Variants in AGK observed in about 807,000 individuals in gnomAD.
AGK encodes the protein acylglycerol kinase, mitochondrial.
A neutral mutation model predicts 66.4 loss-of-function variants in AGK; 52 were observed. The observed-to-expected ratio is 0.78, with a 90% CI of 0.63 to 0.99. AGK has a LOEUF of 0.99. AGK is among the 50% of genes least tolerant of loss of function. AGK has a pLI of 0.00. For missense variants in AGK, 451 were observed against 506.6 expected (o/e 0.89, Z 1.05); for synonymous variants, 182 against 181.1 (o/e 1.00, Z -0.04).
chr7:141,611,238 A>G lies in AGK; in HGVS notation c.341A>G (p.Glu114Gly), dbSNP rs999197994. 16 of 1,613,438 alleles carry G rather than the reference A, an allele frequency of 9.9e-6. No individual in the cohort carries two copies. Among genetic ancestry groups the G allele is most frequent in the Non-Finnish European group, 1.4e-5 (16 of 1,179,654 alleles). ...GCCAAGAAACTCCTGGAACTGATGG[A>G]AAACACGGATGTGATCATTGTTGCA... ...GQAKKLLELM[E>G]NTDVIIVAGG... Residue 114 changes from glutamate (E) to glycine (G), a missense_variant, in exon 6 of 16, where the codon GAA becomes GGA. Glu to Gly is a moderately conservative substitution (Grantham distance 98, BLOSUM62 -2). Coordinates refer to ENST00000649286, the MANE Select transcript of AGK (RefSeq NM_018238.4).
intron 9 of AGK, among the ~76,000 whole-genome samples, chr7:141,624,327 TA>T (rs1036722859): frequency 1.3e-5 from 2 of 152,132 alleles, no homozygotes; most frequent in Admixed American, 1.3e-4. Flanking sequence ...AAAAACTTTG[TA>T]AAAAAATTAG....
At chr7:141,560,558 C>T (rs1478437539) in intron 2 of AGK, among the ~76,000 whole-genome samples, 1 of 151,682 alleles carries the variant, frequency 6.6e-6, no homozygotes, top group Non-Finnish European at 1.5e-5. Context: ...ATTGGTGCAC[C>T]CGTTACCCGA....
intron 10 of AGK, among the ~76,000 whole-genome samples, chr7:141,635,012 T>G (rs1368176275): frequency 6.6e-6 from 1 of 152,170 alleles, no homozygotes; most frequent in Non-Finnish European, 1.5e-5. Flanking sequence ...TTCTACAAAT[T>G]ACCTTGTGTT....
chr7:141,564,626 T>G lies in AGK; in HGVS notation c.101+9059T>G, dbSNP rs559638983. On this transcript the variant is annotated intron_variant, in intron 2 of 15. Transcript: ENST00000649286. ...GCCAAACCATATAAACCACTCAGCTTTAGACACAGTTGACTCTCCTCGAAA... is the reference window on the plus strand; with the variant it reads ...GCCAAACCATATAAACCACTCAGCTGTAGACACAGTTGACTCTCCTCGAAA... Among the ~76,000 whole-genome samples, 3 of 152,320 alleles carry G rather than the reference T, an allele frequency of 2.0e-5. No individual in the cohort carries two copies. The East Asian group carries it at 5.8e-4, about 29-fold the overall frequency.
intron 2 of AGK, among the ~76,000 whole-genome samples, chr7:141,571,213 C>A (rs1795599046): frequency 6.6e-6 from 1 of 152,248 alleles, no homozygotes; most frequent in South Asian, 2.1e-4. Context: ...TGCCTCATCA[C>A]TGTGTTCTAG....
intron 15 of AGK, 198 bp from the exon 16 acceptor site, chr7:141,652,589 A>AATT (rs1287471659): frequency 3.7e-5 from 17 of 453,576 alleles, no homozygotes; most frequent in African/African-American, 7.7e-5. Context: ...TGGATGGTAG[A>AATT]ATTAGGATGT....
At chr7:141,574,319 TAC>T (rs752018589) in intron 2 of AGK, among the ~76,000 whole-genome samples, 1 of 152,168 alleles carries the variant, frequency 6.6e-6, no homozygotes, top group Non-Finnish European at 1.5e-5. Flanking sequence ...CTGATGGTGG[TAC>T]AGTCTGGACT....
At chr7:141,651,633 T>C (rs1797561404) in intron 15 of AGK, 24 bp downstream of exon 15, 2 of 1,607,038 alleles carry the variant, frequency 1.2e-6, no homozygotes, top group Non-Finnish European at 1.7e-6. Context: ...GGGTCGGTAG[T>C]CACAGCATTT....
rs541581752 is a variant in AGK at position 141,655,188 on chromosome 7, A to T, written c.*2264A>T. The T allele has an allele frequency of 1.6e-4, 24 of 152,248 alleles. No individual in the cohort carries two copies. The highest frequency in any genetic ancestry group is 2.6e-4 in the Non-Finnish European group (18 of 68,052). The allele number at this position is 152,248 out of a possible 1,614,324, so 9.4% of individuals were successfully genotyped here. A position where few individuals can be genotyped will look rare whatever the true frequency, so the allele number is the denominator to read the frequency against. On this transcript the variant is annotated 3_prime_UTR_variant, in exon 16 of 16. Transcript: ENST00000649286. ...ATGGTACATATAATTAGGGAAGGATATGGAAGCCACTTTAGAATCTTATTC... is the reference window on the plus strand; with the variant it reads ...ATGGTACATATAATTAGGGAAGGATTTGGAAGCCACTTTAGAATCTTATTC...
intron 2 of AGK, among the ~76,000 whole-genome samples, chr7:141,587,645 T>C (rs1281201441): frequency 6.6e-6 from 1 of 152,212 alleles, no homozygotes; most frequent in Non-Finnish European, 1.5e-5. Flanking sequence ...GGCTACTTTT[T>C]ATTTTTCCCC....
rs768714970 is a variant in AGK, at chr7:141,555,546, A to G, written c.80A>G (p.His27Arg). 2 of 1,613,860 alleles carry G rather than the reference A, an allele frequency of 1.2e-6. No homozygotes were observed. Residue 27 changes from histidine to arginine, a missense_variant, in exon 2 of 16, where the codon CAT becomes CGT. His to Arg is a conservative substitution (Grantham distance 29, BLOSUM62 0). Transcript: ENST00000649286. This position sits in a 1 kb window ranked among gnomAD's most constrained non-coding sequence, Gnocchi z 4.2. ...CTCTGCCTGCTGACCTGGGGAGGCC[A>G]TTGGCTCTATGGAAAACACTGGTAA... ...AGLCLLTWGG[H>R]WLYGKHCDNL... is the part of the protein sequence containing the mutation.
intron 2 of AGK, among the ~76,000 whole-genome samples, chr7:141,563,452 A>G (rs1322563151): frequency 1.3e-5 from 2 of 152,204 alleles, no homozygotes; most frequent in Non-Finnish European, 2.9e-5. Context: ...AGTTACATTC[A>G]GCTTAGGCTT....
intron 4 of AGK, 32 bp downstream of exon 4, chr7:141,596,673 CT>C: frequency 6.3e-7 from 1 of 1,591,292 alleles, no homozygotes; most frequent in Non-Finnish European, 8.6e-7. Context: ...TATATACTTG[CT>C]TTTTCTAAGG....
At chr7:141,578,045 A>G (rs1047006234) in intron 2 of AGK, among the ~76,000 whole-genome samples, 7 of 151,838 alleles carry the variant, frequency 4.6e-5, no homozygotes, top group African/African-American at 1.7e-4. Flanking sequence ...CGAACTCCTG[A>G]CCTCAAGTGA....
chr7:141,588,231 G>C (rs1796033171), intron 2 of AGK, among the ~76,000 whole-genome samples: 1 of 152,172 alleles, frequency 6.6e-6, no homozygotes, highest in African/African-American at 2.4e-5. Context: ...CGACCCTACT[G>C]TTAGCAGAAA....
At chr7:141,638,625 A>G (rs2117008078) in intron 11 of AGK, among the ~76,000 whole-genome samples, 1 of 152,316 alleles carries the variant, frequency 6.6e-6, no homozygotes, top group South Asian at 2.1e-4. Context: ...CTAAGGAGGT[A>G]ACAGTATTGA....
chr7:141,592,932 G>GACCTCAGGTGATCTGCCC (rs1796154357), intron 2 of AGK, among the ~76,000 whole-genome samples: 1 of 151,568 alleles, frequency 6.6e-6, no homozygotes, highest in African/African-American at 2.4e-5. Context: ...TCGAACTCCT[G>GACCTCAGGTGATCTGCCC]ACCTCAGGTG....
intron 2 of AGK, among the ~76,000 whole-genome samples, chr7:141,591,113 A>G (rs534322803): frequency 9.2e-6 from 1 of 108,996 alleles, no homozygotes; most frequent in Non-Finnish European, 1.7e-5. Flanking sequence ...TTTTTTTGAG[A>G]CAGAGTCTCA....
rs1796689446 is a variant in AGK at position 141,615,753 on chromosome 7, A to G, written c.518+188A>G. 6.8e-6 allele frequency: 4 copies of G among 585,790 alleles called. No homozygotes were observed. In the East Asian group the frequency reaches 1.2e-4, roughly 17 times the overall value. The allele number at this position is 585,790 out of a possible 1,614,324, so 36.3% of individuals were successfully genotyped here. A position where few individuals can be genotyped will look rare whatever the true frequency, so the allele number is the denominator to read the frequency against. ...CTCCCAACTTGGTTGTGGGACTCTT[A>G]TAATAAGTCTCCAGGTCAGGTAGGG... is the stretch of plus-strand genomic sequence containing the variant. On this transcript the variant is annotated intron_variant, in intron 8 of 15. Transcript: ENST00000649286.
Sources: allele counts gnomAD v4.1 joint callset (sites outside exome capture counted in the v4.1 genomes callset), GRCh38; gene constraint gnomAD v4.1.1; non-coding constraint Gnocchi (gnomAD v3.1); transcripts MANE v1.5; gene names NCBI Gene and HGNC (gene_info 2026-07-23, HGNC 2026-07-21).